SLC7A8: variants seen among roughly 807,000 people sequenced by gnomAD.
SLC7A8 encodes solute carrier family 7 member 8, also known as large neutral amino acids transporter small subunit 2.
Under a neutral mutation model 51.2 loss-of-function variants are expected in SLC7A8, and 30 were observed. The observed-to-expected ratio is 0.59, with a 90% confidence interval of 0.44 to 0.80. The LOEUF (loss-of-function observed/expected upper bound fraction) is 0.80. Among genes scored for constraint, SLC7A8 ranks in the 30% least tolerant of loss-of-function variants. SLC7A8 has a pLI of 0.00. For synonymous variants in SLC7A8, 257 were observed against 275.8 expected (o/e 0.93, Z 0.67); for missense variants, 612 against 674.4 (o/e 0.91, Z 1.03).
intron 7 of SLC7A8, among the ~76,000 whole-genome samples, chr14:23,134,713 G>A (rs1378414832): frequency 2.6e-5 from 4 of 151,866 alleles, no homozygotes; most frequent in East Asian, 3.9e-4. Context: ...ACATATCACC[G>A]TGCTCAGTTA....
chr14:23,129,650 C>T lies in SLC7A8; in HGVS notation c.1263G>A (p.Lys421=). The change falls in exon 9 of 11, where the codon AAG becomes AAA. Residue 421 remains lysine (K), a splice_region_variant and synonymous_variant. Transcript: ENST00000316902. ...WKKPDIPRPI[K]INLLFPIIYL... ...GGACCCCAAAGGGAGTTTCTCTCACCTTGATGGGGCGGGGGATATCAGGCT... is the reference window on the plus strand; with the variant it reads ...GGACCCCAAAGGGAGTTTCTCTCACTTTGATGGGGCGGGGGATATCAGGCT... The T allele has an allele frequency of 6.2e-7, 1 of 1,613,772 alleles. No individual in the cohort carries two copies.
intron 1 of SLC7A8, among the ~76,000 whole-genome samples, chr14:23,174,385 G>A (rs1319417710): frequency 6.6e-6 from 1 of 152,230 alleles, no homozygotes; most frequent in African/African-American, 2.4e-5. Flanking sequence ...TCAGTGTGAG[G>A]TTGCCTGGTC....
Position 23,182,819 on chromosome 14 carries a change from GC to G in SLC7A8, c.95del (p.Gly32AlafsTer3). 1 of 1,613,262 alleles carries G rather than the reference GC, an allele frequency of 6.2e-7. No homozygotes were observed. Among genetic ancestry groups the G allele is most frequent in the Non-Finnish European group, 8.5e-7 (1 of 1,179,664 alleles). On this transcript the variant is annotated frameshift_variant, in exon 1 of 11. Coordinates refer to ENST00000316902, the MANE Select transcript of SLC7A8 (RefSeq NM_012244.4). LOFTEE classifies it high-confidence loss of function. ...DASPEAGSGG[G>X]GVALKKEIGL... is the part of the protein sequence containing the mutation. ...CGATCTCTTTCTTCAGGGCTACTCC[GC>G]CCCCTCCGGAACCAGCCTCGGGGCT...
chr14:23,179,484 A>G (rs376103725), intron 1 of SLC7A8, among the ~76,000 whole-genome samples: 2 of 151,594 alleles, frequency 1.3e-5, no homozygotes, highest in African/African-American at 4.8e-5. Context: ...TTTAGGGCAA[A>G]TGTAACTTTG....
intron 3 of SLC7A8, among the ~76,000 whole-genome samples, chr14:23,162,636 T>G (rs976229687): frequency 6.6e-6 from 1 of 152,208 alleles, no homozygotes; most frequent in African/African-American, 2.4e-5. Flanking sequence ...TGGAGAGGAC[T>G]GTGCAACATG....
chr14:23,179,736 G>C (rs1406611765), intron 1 of SLC7A8, among the ~76,000 whole-genome samples: 1 of 152,146 alleles, frequency 6.6e-6, no homozygotes, highest in Middle Eastern at 3.4e-3. Flanking sequence ...TTGAGCCCAG[G>C]AGTTTGAGGC....
Position 23,127,227 on chromosome 14 carries a change from G to C in SLC7A8, c.1558C>G (p.Gln520Glu). 1 of 1,614,090 alleles carries C rather than the reference G, an allele frequency of 6.2e-7. No homozygotes were observed. Among genetic ancestry groups the C allele is most frequent in the African/African-American group, 1.3e-5 (1 of 75,014 alleles). The change falls in exon 11 of 11, where the codon CAA (glutamine) becomes GAA (glutamate). Residue 520 changes from glutamine (Q) to glutamate (E), a missense_variant. Coordinates refer to ENST00000316902, the MANE Select transcript of SLC7A8 (RefSeq NM_012244.4). ...TCCTTGTCCTTCGTGGGAGTGGGTT[G>C]GTACATGGGCTGCTGCTGCTCCTCC... ...DMEEQQQPMY[Q>E]PTPTKDKDVA...
At chr14:23,156,685 C>G (rs1209009594) in intron 3 of SLC7A8, among the ~76,000 whole-genome samples, 1 of 152,206 alleles carries the variant, frequency 6.6e-6, no homozygotes, top group Non-Finnish European at 1.5e-5. Context: ...TAGGCTGGTA[C>G]AAGAAAGTAG....
chr14:23,155,045 G>A, intron 3 of SLC7A8: 1 of 668,900 alleles, frequency 1.5e-6, no homozygotes, highest in Non-Finnish European at 2.3e-6. Flanking sequence ...CTCATAAACT[G>A]CGCTTTGATC....
At chr14:23,180,009 A>T (rs111848958) in intron 1 of SLC7A8, among the ~76,000 whole-genome samples, 178 of 151,490 alleles carry the variant, frequency 1.2e-3, no homozygotes, top group Non-Finnish European at 2.2e-3. Flanking sequence ...GGGTTCAAGC[A>T]ATTCTCCTGC....
chr14:23,170,597 T>C (rs927942516), intron 1 of SLC7A8, among the ~76,000 whole-genome samples: 4 of 152,192 alleles, frequency 2.6e-5, no homozygotes, highest in African/African-American at 9.7e-5. Context: ...TAGCTGGGAT[T>C]ACAGGCGTGT....
chr14:23,138,851 G>T (rs571335217), intron 6 of SLC7A8, among the ~76,000 whole-genome samples: 28 of 152,236 alleles, frequency 1.8e-4, no homozygotes, highest in Admixed American at 1.8e-3. Flanking sequence ...TTGAGATAAG[G>T]CCAGTGAAGA....
chr14:23,143,312 A>T, intron 3 of SLC7A8, 108 bp from the exon 4 acceptor site: 1 of 1,469,178 alleles, frequency 6.8e-7, no homozygotes, highest in South Asian at 1.3e-5. Flanking sequence ...ACATTGTAGT[A>T]GGTGAGCCAG....
In SLC7A8 at chr14:23,179,129, T is replaced by C. The variant is rs186737503; in HGVS notation, c.151+3635A>G. 5.0e-3 allele frequency among the ~76,000 whole-genome samples: 754 copies of C among 152,240 alleles called. 5 individuals are homozygous for C. Among genetic ancestry groups the C allele is most frequent in the African/African-American group, 0.017 (705 of 41,532 alleles). ...CAGAATCAGCTCCCCTACTTCATCT[T>C]CTCCTCAAAGCCTTCAAGATGCTTC... is the stretch of plus-strand genomic sequence containing the variant. On this transcript the variant is annotated intron_variant, in intron 1 of 10. Coordinates refer to ENST00000316902, the MANE Select transcript of SLC7A8 (RefSeq NM_012244.4).
chr14:23,154,994 CAGACA>C (rs1431260870), intron 3 of SLC7A8, among the ~76,000 whole-genome samples: 56 of 47,528 alleles, frequency 1.2e-3, no homozygotes, highest in South Asian at 5.4e-3. Flanking sequence ...AGCCACACAA[CAGACA>C]AAAAAAAAAA....
intron 3 of SLC7A8, among the ~76,000 whole-genome samples, chr14:23,161,264 C>T (rs1037036309): frequency 6.6e-6 from 1 of 152,028 alleles, no homozygotes; most frequent in East Asian, 1.9e-4. Context: ...CAGACTTGGC[C>T]TCATCTCCTC....
chr14:23,174,795 G>A (rs557134873), intron 1 of SLC7A8, among the ~76,000 whole-genome samples: 16 of 152,182 alleles, frequency 1.1e-4, no homozygotes, highest in Non-Finnish European at 2.2e-4. Flanking sequence ...CTGTAGACGC[G>A]TTCTGGAAGG....
intron 4 of SLC7A8, among the ~76,000 whole-genome samples, chr14:23,141,102 G>A (rs1188544799): frequency 6.5e-5 from 3 of 46,306 alleles, no homozygotes; most frequent in Non-Finnish European, 2.4e-4. Context: ...GGGCAACATA[G>A]TGAGACTCCC....
chr14:23,132,920 G>A (rs889855979), intron 7 of SLC7A8, among the ~76,000 whole-genome samples: 4 of 151,762 alleles, frequency 2.6e-5, no homozygotes, highest in Non-Finnish European at 5.9e-5. Context: ...ACAGGCATGA[G>A]CCACTATGCC....
Sources: allele counts gnomAD v4.1 joint callset (sites outside exome capture counted in the v4.1 genomes callset), GRCh38; gene constraint gnomAD v4.1.1; transcripts MANE v1.5; gene names NCBI Gene and HGNC (gene_info 2026-07-23, HGNC 2026-07-21).